Variants in ANKS1B observed in about 807,000 individuals in gnomAD.
ANKS1B encodes the protein ankyrin repeat and sterile alpha motif domain-containing protein 1B.
A neutral mutation model predicts 148.3 loss-of-function variants in ANKS1B; 36 were observed. That is an observed-to-expected ratio of 0.24 (90% CI 0.19 to 0.32). ANKS1B has a LOEUF of 0.32. Among genes scored for constraint, ANKS1B ranks in the 10% least tolerant of loss-of-function variants. The probability of loss-of-function intolerance (pLI) is 1.00; values close to 1 mark genes in which losing one functional copy is unlikely to be tolerated. For synonymous variants in ANKS1B, 542 were observed against 560.8 expected (o/e 0.97, Z 0.47); for missense variants, 1,157 against 1,542.6 (o/e 0.75, Z 4.19).
At chr12:99,613,911 A>G (rs138930566) in intron 9 of ANKS1B, among the ~76,000 whole-genome samples, 70 of 152,136 alleles carry the variant, frequency 4.6e-4, no homozygotes, top group African/African-American at 1.3e-3. Context: ...CCAATGCCTG[A>G]AACTCAACAT....
chr12:98,842,290 A>G (rs1305796694), intron 17 of ANKS1B, among the ~76,000 whole-genome samples: 2 of 152,232 alleles, frequency 1.3e-5, no homozygotes, highest in African/African-American at 4.8e-5. Flanking sequence ...AACAGACCTC[A>G]AAAACATTAT....
chr12:98,897,189 A>C (rs1317912204), intron 17 of ANKS1B, among the ~76,000 whole-genome samples: 1 of 152,120 alleles, frequency 6.6e-6, no homozygotes, highest in Non-Finnish European at 1.5e-5. Flanking sequence ...TCGTTACTGA[A>C]GCCCCATTCA....
chr12:98,904,822 C>T (rs967903993), intron 17 of ANKS1B, among the ~76,000 whole-genome samples: 1 of 151,734 alleles, frequency 6.6e-6, no homozygotes, highest in Non-Finnish European at 1.5e-5. Flanking sequence ...TGTGCCAGGT[C>T]CTTTTTATGT....
intron 17 of ANKS1B, among the ~76,000 whole-genome samples, chr12:98,963,022 T>G (rs190394207): frequency 6.6e-6 from 1 of 151,700 alleles, no homozygotes; most frequent in Non-Finnish European, 1.5e-5. Context: ...AATGTAACAA[T>G]GCATCTTAAA....
intron 9 of ANKS1B, among the ~76,000 whole-genome samples, chr12:99,597,196 G>A (rs1037541222): frequency 2.4e-4 from 36 of 151,656 alleles, no homozygotes; most frequent in African/African-American, 3.4e-4. Flanking sequence ...CTTAGTGGTC[G>A]TTATAAAAGG....
In ANKS1B at chr12:98,962,375, G is replaced by A. The variant is rs1332297219; in HGVS notation, c.2778+90782C>T. 1.6e-4 allele frequency among the ~76,000 whole-genome samples: 24 copies of A among 149,442 alleles called. No homozygotes were observed. The Admixed American group carries it at 1.6e-3, about 10-fold the overall frequency. On this transcript the variant is annotated intron_variant, in intron 17 of 26. Transcript: ENST00000683438. Reference sequence around the variant, plus strand: ...GATGATAAAGGGGTTACTTCAGCAAGAGGATATAACAATTATATATATATA... The same window carrying A: ...GATGATAAAGGGGTTACTTCAGCAAAAGGATATAACAATTATATATATATA...
At chr12:99,395,484 T>G (rs1593890614) in intron 12 of ANKS1B, among the ~76,000 whole-genome samples, 1 of 152,304 alleles carries the variant, frequency 6.6e-6, no homozygotes, top group African/African-American at 2.4e-5. Context: ...CCCCTCATCT[T>G]TGCACATCCA....
At chr12:99,401,614 T>C (rs2094405331) in intron 11 of ANKS1B, among the ~76,000 whole-genome samples, 1 of 146,676 alleles carries the variant, frequency 6.8e-6, no homozygotes, top group South Asian at 2.1e-4. Context: ...TCTACAAATA[T>C]TTGCTGAACA....
At chr12:98,936,566 G>A (rs1032225945) in intron 17 of ANKS1B, among the ~76,000 whole-genome samples, 12 of 152,228 alleles carry the variant, frequency 7.9e-5, no homozygotes, top group African/African-American at 2.9e-4. Context: ...GGTGGAGGTT[G>A]CAGTGAGCCG....
intron 8 of ANKS1B, among the ~76,000 whole-genome samples, chr12:99,727,014 C>G (rs902646548): frequency 1.3e-5 from 2 of 152,084 alleles, no homozygotes; most frequent in African/African-American, 4.8e-5. Context: ...CTATTTATGA[C>G]AAACCCACAG....
At chr12:99,303,503 T>C (rs1389456212) in intron 12 of ANKS1B, among the ~76,000 whole-genome samples, 3 of 152,140 alleles carry the variant, frequency 2.0e-5, no homozygotes, top group Non-Finnish European at 4.4e-5. Flanking sequence ...TCAGAAAAGG[T>C]GCCTGTACAC....
Position 99,512,675 on chromosome 12 carries a change from G to A in ANKS1B, c.1273-8034C>T, listed in dbSNP as rs183991956. 5.3e-5 allele frequency among the ~76,000 whole-genome samples: 8 copies of A among 152,218 alleles called. No homozygotes were observed. In the East Asian group the frequency reaches 1.5e-3, roughly 29 times the overall value. On this transcript the variant is annotated intron_variant, in intron 9 of 26. Coordinates refer to ENST00000683438, the MANE Select transcript of ANKS1B (RefSeq NM_001352186.2). The stretch of plus-strand genomic sequence containing the variant: ...CCAAATGGCCACCAATGATAGACTG[G>A]ATAAAGAAAATGTGGTACATATACA...
chr12:99,674,962 A>T (rs988454312), intron 8 of ANKS1B, among the ~76,000 whole-genome samples: 1 of 151,980 alleles, frequency 6.6e-6, no homozygotes, highest in South Asian at 2.1e-4. Context: ...ACTTGAAAAG[A>T]TCATTTTAAA....
intron 1 of ANKS1B, among the ~76,000 whole-genome samples, chr12:99,829,733 G>C (rs1294195798): frequency 6.6e-6 from 1 of 152,188 alleles, no homozygotes; most frequent in Non-Finnish European, 1.5e-5. Flanking sequence ...AGGAGGCTGA[G>C]GCAGGAGAAA....
At chr12:99,238,181 G>T (rs1346336823) in intron 14 of ANKS1B, among the ~76,000 whole-genome samples, 1 of 152,190 alleles carries the variant, frequency 6.6e-6, no homozygotes, top group Non-Finnish European at 1.5e-5. Context: ...TGGAGAAATG[G>T]TACACTCCTG....
intron 12 of ANKS1B, among the ~76,000 whole-genome samples, chr12:99,312,931 A>G (rs376074638): frequency 5.9e-5 from 9 of 152,202 alleles, no homozygotes; most frequent in East Asian, 3.9e-4. Flanking sequence ...TGAGAGCAGA[A>G]CTGAAGGAGA....
chr12:99,771,004 G>A (rs930194792), intron 8 of ANKS1B, among the ~76,000 whole-genome samples: 2 of 152,002 alleles, frequency 1.3e-5, no homozygotes. Flanking sequence ...TCACAATACA[G>A]TCTTTGGCTT....
At chr12:98,938,106 G>A (rs1156735799) in intron 17 of ANKS1B, among the ~76,000 whole-genome samples, 4 of 152,164 alleles carry the variant, frequency 2.6e-5, no homozygotes, top group African/African-American at 2.4e-5. Context: ...AAGGGCAACT[G>A]CCATGGCTTC....
intron 8 of ANKS1B, among the ~76,000 whole-genome samples, chr12:99,670,463 A>T (rs1293095777): frequency 6.6e-6 from 1 of 152,112 alleles, no homozygotes; most frequent in Non-Finnish European, 1.5e-5. Flanking sequence ...CTTAATTAAA[A>T]AATTATTGTT....
Sources: allele counts gnomAD v4.1 joint callset (sites outside exome capture counted in the v4.1 genomes callset), GRCh38; gene constraint gnomAD v4.1.1; transcripts MANE v1.5; gene names NCBI Gene and HGNC (gene_info 2026-07-23, HGNC 2026-07-21).